SNX11: variants seen among roughly 807,000 people sequenced by gnomAD.
SNX11 encodes the protein sorting nexin-11.
SNX11 carries 19 observed loss-of-function variants against 30.7 expected under a neutral mutation model. The ratio of observed to expected loss-of-function variants is 0.62; its 90% CI spans 0.43 to 0.91. SNX11 has a LOEUF of 0.91. Among genes scored for constraint, SNX11 ranks in the 40% least tolerant of loss-of-function variants. The pLI is 0.00. For missense variants in SNX11, 302 were observed against 326.7 expected, an observed-to-expected ratio of 0.92 and a Z score of 0.58; for synonymous variants, 112 against 119.0, an observed-to-expected ratio of 0.94 and a Z score of 0.38.
At chr17:48,111,647 C>CAA (rs36043565) in intron 1 of SNX11, among the ~76,000 whole-genome samples, 69,095 of 132,658 alleles carry the variant, frequency 0.52, 18,343 homozygotes, top group East Asian at 0.7. Flanking sequence ...AACTCTGCCT[C>CAA]AAAAAAAAAA....
Position 48,123,577 on chromosome 17 carries a change from A to G in SNX11, c.*2069A>G, listed in dbSNP as rs557285415. Among the ~76,000 whole-genome samples, 2 of 152,242 alleles carry G rather than the reference A, an allele frequency of 1.3e-5. No homozygotes were observed. Among genetic ancestry groups the G allele is most frequent in the South Asian group, 2.1e-4 (1 of 4,826 alleles). ...ATTTTTCTGACTCCCAGCTTTTTTAATGATCCATTAGCAGCATGCATACAA... is the reference window on the plus strand; with the variant it reads ...ATTTTTCTGACTCCCAGCTTTTTTAGTGATCCATTAGCAGCATGCATACAA... On this transcript the variant is annotated 3_prime_UTR_variant, in exon 7 of 7. Transcript: ENST00000359238.
Position 48,113,314 on chromosome 17 carries a change from C to T in SNX11, c.143C>T (p.Ala48Val), listed in dbSNP as rs960817124. The change falls in exon 4 of 7, where the codon GCC becomes GTC. Residue 48 changes from alanine to valine, a missense_variant. By Grantham distance (64) the Ala-to-Val change is moderately conservative. Coordinates refer to ENST00000359238, the MANE Select transcript of SNX11 (RefSeq NM_013323.3). ...TTTCATGTATAGACCAACAGCAAAG[C>T]CTTTACTGCCAAGACTTCCTGTGTG... ...YKIFLHTNSK[A>V]FTAKTSCVRR... 2.3e-5 allele frequency: 37 copies of T among 1,613,190 alleles called. No homozygotes were observed. The highest frequency in any genetic ancestry group is 2.9e-5 in the Non-Finnish European group (34 of 1,179,490).
At chr17:48,112,877 T>C in intron 3 of SNX11, 1 of 338,996 alleles carries the variant, frequency 2.9e-6, no homozygotes, top group Non-Finnish European at 5.5e-6. Context: ...ATTACAGGCA[T>C]GTGCCACCAC....
intron 1 of SNX11, among the ~76,000 whole-genome samples, chr17:48,111,722 T>C (rs528510281): frequency 1.3e-5 from 2 of 151,946 alleles, no homozygotes; most frequent in South Asian, 2.1e-4. Flanking sequence ...AGGCAAAAGT[T>C]TTACATCTGG....
chr17:48,115,777 A>G (rs995947461), intron 4 of SNX11, among the ~76,000 whole-genome samples: 12 of 152,172 alleles, frequency 7.9e-5, no homozygotes, highest in African/African-American at 2.9e-4. Flanking sequence ...CTCAGTGGTG[A>G]TAGGTGGCCT....
At chr17:48,108,161 T>G (rs1372998074) in intron 1 of SNX11, among the ~76,000 whole-genome samples, 1 of 152,160 alleles carries the variant, frequency 6.6e-6, no homozygotes, top group Non-Finnish European at 1.5e-5. Flanking sequence ...TGGGGACATT[T>G]ACTTAAATGG....
chr17:48,117,519 AGTGCTGGG>A (rs2063558124), intron 4 of SNX11, among the ~76,000 whole-genome samples: 3 of 148,858 alleles, frequency 2.0e-5, no homozygotes, highest in Non-Finnish European at 4.4e-5. Flanking sequence ...GGCCTCCCAA[AGTGCTGGG>A]ATTACAGGCG....
At position 48,118,704 on chromosome 17, in the gene SNX11, G is replaced by A. The variant is rs1181519892; in HGVS notation, c.231G>A (p.Val77=). The change falls in exon 5 of 7, where the codon GTG becomes GTA. Residue 77 remains valine (V), a splice_region_variant and synonymous_variant. Transcript: ENST00000359238. ...GGTGTTATATCATGTGGCTGCACAG[G>A]CCTGTTCCTGAACTTCCTGGGAAGT... The part of the protein sequence containing the change: ...RKQLQRNAGL[V]PVPELPGKST... 7 of 1,612,672 alleles carry A rather than the reference G, an allele frequency of 4.3e-6. No homozygotes were observed. Among genetic ancestry groups the A allele is most frequent in the South Asian group, 1.1e-5 (1 of 91,036 alleles).
At chr17:48,109,553 C>T (rs1296814400) in intron 1 of SNX11, among the ~76,000 whole-genome samples, 1 of 150,816 alleles carries the variant, frequency 6.6e-6, no homozygotes, top group African/African-American at 2.4e-5. Context: ...CCACCGCACC[C>T]GGCCCATCTG....
intron 5 of SNX11, 25 bp from the exon 6 acceptor site, chr17:48,118,949 G>A (rs769750682): frequency 6.2e-6 from 10 of 1,609,718 alleles, no homozygotes; most frequent in Admixed American, 1.7e-5. Context: ...GATGCTCTGT[G>A]TTGTGCTACC....
chr17:48,114,877 G>A (rs1188800501), intron 4 of SNX11, among the ~76,000 whole-genome samples: 1 of 151,378 alleles, frequency 6.6e-6, no homozygotes, highest in East Asian at 1.9e-4. Flanking sequence ...ACGTTGCCCA[G>A]GCTGGTGTCG....
At chr17:48,117,133 C>G (rs1348267087) in intron 4 of SNX11, among the ~76,000 whole-genome samples, 1 of 151,990 alleles carries the variant, frequency 6.6e-6, no homozygotes, top group Non-Finnish European at 1.5e-5. Context: ...CAGCTCACCA[C>G]AACCTCCGCC....
intron 3 of SNX11, 64 bp from the exon 4 acceptor site, chr17:48,113,237 C>T: frequency 1.5e-6 from 2 of 1,296,630 alleles, no homozygotes; most frequent in Non-Finnish European, 2.2e-6. Context: ...TGATAGGGAG[C>T]TCATGTGAAC....
rs554690433 is a variant in SNX11 at position 48,111,925 on chromosome 17, G to C, written c.-13-106G>C. The C allele has an allele frequency of 3.6e-6, 3 of 837,256 alleles. No homozygotes were observed. In the East Asian group the frequency reaches 7.3e-5, roughly 21 times the overall value. The allele number at this position is 837,256 out of a possible 1,614,324, so 51.9% of individuals were successfully genotyped here. A position where few individuals can be genotyped will look rare whatever the true frequency, so the allele number is the denominator to read the frequency against. ...TACAAGAACAAAAAGTGTTGCCTGGGTTTCCCCACGGGGGTCTATTAAAAA... is the reference window on the plus strand; with the variant it reads ...TACAAGAACAAAAAGTGTTGCCTGGCTTTCCCCACGGGGGTCTATTAAAAA... On this transcript the variant is annotated intron_variant, in intron 1 of 6. Transcript: ENST00000359238.
intron 1 of SNX11, among the ~76,000 whole-genome samples, chr17:48,111,751 C>G (rs942389855): frequency 6.6e-6 from 1 of 152,002 alleles, no homozygotes; most frequent in East Asian, 1.9e-4. Flanking sequence ...GTTCTGGCTG[C>G]GTGTGACAAA....
chr17:48,108,071 C>G (rs1373753217), intron 1 of SNX11: 1 of 152,170 alleles, frequency 6.6e-6, no homozygotes, highest in Non-Finnish European at 1.5e-5. Flanking sequence ...CAAGCTTAAT[C>G]GGAAAGAAAG....
intron 4 of SNX11, among the ~76,000 whole-genome samples, chr17:48,116,927 A>C (rs1156636485): frequency 6.8e-6 from 1 of 147,934 alleles, no homozygotes; most frequent in Non-Finnish European, 1.5e-5. Flanking sequence ...GAGTGTTTGC[A>C]GTGGCACGAT....
chr17:48,109,410 C>T (rs1189250816), intron 1 of SNX11, among the ~76,000 whole-genome samples: 3 of 151,314 alleles, frequency 2.0e-5, no homozygotes, highest in Non-Finnish European at 4.4e-5. Flanking sequence ...CAGGCACGCG[C>T]CACCATGCCC....
chr17:48,117,005 G>A (rs1318059409), intron 4 of SNX11, among the ~76,000 whole-genome samples: 1 of 151,674 alleles, frequency 6.6e-6, no homozygotes, highest in Non-Finnish European at 1.5e-5. Flanking sequence ...CTGAGTAGCT[G>A]GGATTACAGG....
Sources: allele counts gnomAD v4.1 joint callset (sites outside exome capture counted in the v4.1 genomes callset), GRCh38; gene constraint gnomAD v4.1.1; transcripts MANE v1.5; gene names NCBI Gene and HGNC (gene_info 2026-07-23, HGNC 2026-07-21).